Variants in CTCFL observed in about 807,000 individuals in gnomAD.
CTCFL encodes the protein CCCTC-binding factor like.
Under a neutral mutation model 67.4 loss-of-function variants are expected in CTCFL, and 36 were observed. The ratio of observed to expected loss-of-function variants is 0.53; its 90% CI spans 0.41 to 0.71. The LOEUF (loss-of-function observed/expected upper bound fraction) is 0.71. Among genes scored for constraint, CTCFL ranks in the 30% least tolerant of loss-of-function variants. The pLI is 0.00. For synonymous variants in CTCFL, 324 were observed against 302.3 expected, an observed-to-expected ratio of 1.07 and a Z score of -0.75; for missense variants, 786 against 835.2, an observed-to-expected ratio of 0.94 and a Z score of 0.73.
chr20:57,511,871 G>T (rs978202702), intron 8 of CTCFL, among the ~76,000 whole-genome samples: 1 of 152,204 alleles, frequency 6.6e-6, no homozygotes, highest in Non-Finnish European at 1.5e-5. Flanking sequence ...GGGATTGCAG[G>T]TGTGAGCCAC....
At chr20:57,500,251 G>C (rs750824226) in intron 10 of CTCFL, 2 of 1,019,594 alleles carry the variant, frequency 2.0e-6, no homozygotes, top group South Asian at 1.7e-5. Flanking sequence ...GATCACTTGA[G>C]GTCAGGAGTG....
rs922040561 is a variant in CTCFL, at chr20:57,508,723, G to A, written c.1557C>T (p.Cys519=). The change falls in exon 9 of 11, where the codon TGC becomes TGT. Residue 519 remains cysteine (C), a synonymous_variant. Coordinates refer to ENST00000243914, the MANE Select transcript of CTCFL (RefSeq NM_001386993.1). The part of the protein sequence containing the change: ...TGEKPFTCLS[C]NKCFRQKQLL... ...GTTGCTTCTGTCGGAAACATTTATTGCAAGAAAGGCAGGTGAATGGTTTCT... is the reference window on the plus strand; with the variant it reads ...GTTGCTTCTGTCGGAAACATTTATTACAAGAAAGGCAGGTGAATGGTTTCT... 1.9e-6 allele frequency: 3 copies of A among 1,614,054 alleles called. No individual in the cohort carries two copies. The highest frequency in any genetic ancestry group is 2.7e-5 in the African/African-American group (2 of 74,928).
intron 6 of CTCFL, 57 bp downstream of exon 6, chr20:57,515,646 TAATTTTTTAAA>T: frequency 6.2e-7 from 1 of 1,603,642 alleles, no homozygotes; most frequent in Non-Finnish European, 8.5e-7. Context: ...CAATAAAAAG[TAATTTTTTAAA>T]GCTTGCTTTA....
intron 3 of CTCFL, among the ~76,000 whole-genome samples, chr20:57,520,786 C>A (rs1468014952): frequency 6.6e-6 from 1 of 152,118 alleles, no homozygotes; most frequent in Admixed American, 6.6e-5. Flanking sequence ...GAGTTGTGAC[C>A]CCTGCAAAAA....
chr20:57,506,935 A>C (rs2068237273), intron 9 of CTCFL: 5 of 985,418 alleles, frequency 5.1e-6, no homozygotes, highest in Non-Finnish European at 6.0e-6. Context: ...CCACTGTGCT[A>C]CTCAGAAAAA....
At chr20:57,519,056 ACAGTATTTTTAATG>A in intron 4 of CTCFL, 137 bp downstream of exon 4, 1 of 1,156,014 alleles carries the variant, frequency 8.7e-7, no homozygotes, top group Non-Finnish European at 1.2e-6. Flanking sequence ...AATCTTTGTA[ACAGTATTTTTAATG>A]GAAATTCAAG....
Position 57,519,223 on chromosome 20 carries a change from A to G in CTCFL, c.909T>C (p.His303=), listed in dbSNP as rs148780907. ...TFRTVTLLRN[H]VNTHTGTRPY... ...CAGTTTTACCTGTGTGGGTGTTAAC[A>G]TGGTTCCGCAGCAGAGTGACCGTAC... The change falls in exon 4 of 11, where the codon CAT becomes CAC. Residue 303 remains histidine (H), a synonymous_variant. Transcript: ENST00000243914. The G allele has an allele frequency of 6.5e-5, 105 of 1,614,178 alleles. No individual in the cohort carries two copies. In the African/African-American group the frequency reaches 1.2e-3, roughly 18 times the overall value.
intron 6 of CTCFL, 82 bp downstream of exon 6, chr20:57,515,632 G>A (rs1300384912): frequency 8.9e-6 from 14 of 1,566,096 alleles, no homozygotes; most frequent in Non-Finnish European, 1.1e-5. Context: ...AACTTTAATT[G>A]TGCCAATAAA....
At chr20:57,519,744 A>G (rs868700397) in intron 3 of CTCFL, among the ~76,000 whole-genome samples, 12 of 152,132 alleles carry the variant, frequency 7.9e-5, no homozygotes, top group South Asian at 2.1e-4. Flanking sequence ...GGCGCCCAAG[A>G]AATGTGGCCC....
chr20:57,514,790 C>A, intron 6 of CTCFL, 49 bp from the exon 7 acceptor site: 1 of 1,565,176 alleles, frequency 6.4e-7, no homozygotes. Context: ...TGATCCTTGC[C>A]AAAGGCCACC....
chr20:57,508,573 A>G (rs1271335734), intron 9 of CTCFL, 33 bp downstream of exon 9: 1 of 1,602,442 alleles, frequency 6.2e-7, no homozygotes, highest in South Asian at 1.1e-5. Context: ...GGATCTTTCC[A>G]TGGGGGATTT....
chr20:57,506,062 T>C lies in CTCFL; in HGVS notation c.1675-2461A>G, dbSNP rs192017603. 4.5e-4 allele frequency among the ~76,000 whole-genome samples: 68 copies of C among 152,334 alleles called. 1 individual carries two copies. The highest frequency in any genetic ancestry group is 3.3e-3 in the Admixed American group (50 of 15,290). On this transcript the variant is annotated intron_variant, in intron 9 of 10. Coordinates refer to ENST00000243914, the MANE Select transcript of CTCFL (RefSeq NM_001386993.1). ...CCATTTTATGCTTAGACACTGGGGT[T>C]GGCAAACGACAACCAGTGGGTCAAA...
At chr20:57,503,366 T>A (rs1211075545) in intron 10 of CTCFL, 70 bp downstream of exon 10, 2 of 1,575,452 alleles carry the variant, frequency 1.3e-6, no homozygotes, top group African/African-American at 2.7e-5. Flanking sequence ...ACAGTAACAC[T>A]CGGCACCCAG....
rs1304912344 is a variant in CTCFL, at chr20:57,503,418, T to A, written c.1840+18A>T. 1 of 1,613,670 alleles carries A rather than the reference T, an allele frequency of 6.2e-7. No homozygotes were observed. Among genetic ancestry groups the A allele is most frequent in the East Asian group, 2.2e-5 (1 of 44,854 alleles). ...AAATCACTGAGGCGGTAAAAACAAA[T>A]CTGCGTAAAATCAGTACCGTCTCCG... On this transcript the variant is annotated intron_variant, in intron 10 of 10. Coordinates refer to ENST00000243914, the MANE Select transcript of CTCFL (RefSeq NM_001386993.1).
intron 3 of CTCFL, among the ~76,000 whole-genome samples, chr20:57,520,716 A>G (rs1351213554): frequency 1.3e-5 from 2 of 152,250 alleles, no homozygotes; most frequent in African/African-American, 4.8e-5. Context: ...CATTTCATAA[A>G]TCCAACACCG....
rs762680387 is a variant in CTCFL at position 57,523,991 on chromosome 20, G to A, written c.215C>T (p.Ser72Leu). 9 of 1,613,064 alleles carry A rather than the reference G, an allele frequency of 5.6e-6. No individual in the cohort carries two copies. The highest frequency in any genetic ancestry group is 5.0e-5 in the Admixed American group (3 of 60,002). Residue 72 changes from serine to leucine, a missense_variant, in exon 2 of 11, where the codon TCG (serine) becomes TTG (leucine). Coordinates refer to ENST00000243914, the MANE Select transcript of CTCFL (RefSeq NM_001386993.1). ...EEEVELVLAP[S>L]EESEKYILTL... is the part of the protein sequence containing the mutation. The stretch of plus-strand genomic sequence containing the variant: ...CAGGATGTACTTCTCGCTCTCCTCC[G>A]AGGGGGCCAGCACCAGCTCCACTTC...
Position 57,498,578 on chromosome 20 carries a change from TCACA to T in CTCFL, c.1960_1963del (p.Cys654LysfsTer23). On this transcript the variant is annotated frameshift_variant, in exon 11 of 11. Coordinates refer to ENST00000243914, the MANE Select transcript of CTCFL (RefSeq NM_001386993.1). LOFTEE classifies it high-confidence loss of function. ...CTTATCCATCGTGTTGAGGAGCATTTCACAGGTCACGCCTTCATCCACTTCCTCT... is the reference window on the plus strand; with the variant it reads ...CTTATCCATCGTGTTGAGGAGCATTTGGTCACGCCTTCATCCACTTCCTCT... 2.5e-6 allele frequency: 4 copies of T among 1,614,024 alleles called. No individual in the cohort carries two copies. The highest frequency in any genetic ancestry group is 3.4e-6 in the Non-Finnish European group (4 of 1,179,948).
intron 10 of CTCFL, among the ~76,000 whole-genome samples, chr20:57,499,087 G>GGGGA (rs2067793753): frequency 7.8e-6 from 1 of 128,656 alleles, no homozygotes; most frequent in Non-Finnish European, 1.7e-5. Flanking sequence ...GGGGGGGTGG[G>GGGGA]GGGGGGACAC....
chr20:57,518,651 T>A lies in CTCFL; in HGVS notation c.1059+107A>T, dbSNP rs777120322. On this transcript the variant is annotated intron_variant, in intron 5 of 10. Coordinates refer to ENST00000243914, the MANE Select transcript of CTCFL (RefSeq NM_001386993.1). Reference sequence around the variant, plus strand: ...TCCTGCATAAATTTTATATGAATAATAAAAAGCCTGTTTGTAACAGATTCT... The same window carrying A: ...TCCTGCATAAATTTTATATGAATAAAAAAAAGCCTGTTTGTAACAGATTCT... 3 of 1,593,992 alleles carry A rather than the reference T, an allele frequency of 1.9e-6. No individual in the cohort carries two copies. The African/African-American group carries it at 4.0e-5, about 21-fold the overall frequency.
Sources: gnomAD v4.1 joint callset for allele counts (sites outside exome capture counted in the v4.1 genomes callset) on GRCh38, gnomAD v4.1.1 for gene constraint, MANE v1.5 for transcripts, NCBI Gene and HGNC (gene_info 2026-07-23, HGNC 2026-07-21) for gene names.